The following ARHGAP44 variants were observed in gnomAD, a reference collection of about 807,000 sequenced individuals.
ARHGAP44 encodes the protein rho GTPase-activating protein 44.
A neutral mutation model predicts 106.8 loss-of-function variants in ARHGAP44; 43 were observed. The ratio of observed to expected loss-of-function variants is 0.40; its 90% CI spans 0.32 to 0.52. ARHGAP44 has a LOEUF of 0.52. ARHGAP44 is among the 20% of genes least tolerant of loss of function. The pLI is 0.48. For synonymous variants in ARHGAP44, 439 were observed against 410.3 expected (o/e 1.07, Z -0.85); for missense variants, 866 against 1,050.5 (o/e 0.82, Z 2.43).
At chr17:12,944,587 G>A (rs2038800535) in intron 10 of ARHGAP44, among the ~76,000 whole-genome samples, 2 of 151,786 alleles carry the variant, frequency 1.3e-5, no homozygotes. Context: ...CTGGGTTCAA[G>A]TGATTCTCCT....
intron 1 of ARHGAP44, among the ~76,000 whole-genome samples, chr17:12,808,889 G>A (rs548681927): frequency 6.6e-6 from 1 of 152,208 alleles, no homozygotes; most frequent in South Asian, 2.1e-4. Flanking sequence ...TCTTTTAAAC[G>A]TAAGTTTCAA....
chr17:12,948,618 C>T (rs1598102405), intron 10 of ARHGAP44, among the ~76,000 whole-genome samples: 1 of 152,032 alleles, frequency 6.6e-6, no homozygotes, highest in South Asian at 2.1e-4. Context: ...TGCACTGAGT[C>T]AAGATCGGGC....
In ARHGAP44 at chr17:12,922,848, G is replaced by A. The variant is rs142152237; in HGVS notation, c.464+3017G>A. On this transcript the variant is annotated intron_variant, in intron 6 of 20. Coordinates refer to ENST00000379672, the MANE Select transcript of ARHGAP44 (RefSeq NM_014859.6). Reference sequence around the variant, plus strand: ...TCCTCTAGCAGGAACACTAGACAAAGTCTAGAGTTATGTTTTCAGTGGTGA... The same window carrying A: ...TCCTCTAGCAGGAACACTAGACAAAATCTAGAGTTATGTTTTCAGTGGTGA... Among the ~76,000 whole-genome samples, 9 of 152,174 alleles carry A rather than the reference G, an allele frequency of 5.9e-5. No individual in the cohort carries two copies. In the East Asian group the frequency reaches 1.7e-3, roughly 30 times the overall value.
chr17:12,836,959 A>G (rs546086024), intron 1 of ARHGAP44, among the ~76,000 whole-genome samples: 1 of 152,334 alleles, frequency 6.6e-6, no homozygotes, highest in African/African-American at 2.4e-5. Flanking sequence ...TTCACTCAAC[A>G]ATAAGGTATA....
At chr17:12,975,783 GT>G (rs1279352743) in intron 18 of ARHGAP44, among the ~76,000 whole-genome samples, 1 of 124,718 alleles carries the variant, frequency 8.0e-6, no homozygotes, top group Non-Finnish European at 1.6e-5. Context: ...GGGTGACAGC[GT>G]GACTCCGTCT....
In ARHGAP44 at chr17:12,938,582, TA is replaced by T. The variant is rs67037408; in HGVS notation, c.583-2453del. Reference sequence around the variant, plus strand: ...CTGGGACATTTGGTTAGCTATATATTAAAAAAAAAAAAAAAAAAAAACAGCT... The same window carrying T: ...CTGGGACATTTGGTTAGCTATATATTAAAAAAAAAAAAAAAAAAAACAGCT... On this transcript the variant is annotated intron_variant, in intron 7 of 20. Transcript: ENST00000379672. 9.0e-3 allele frequency among the ~76,000 whole-genome samples: 1,142 copies of T among 126,978 alleles called. 4 individuals are homozygous for T. Among genetic ancestry groups the T allele is most frequent in the African/African-American group, 0.011 (385 of 35,290 alleles). The allele number at this position is 126,978 out of a possible 152,430, so 83.3% of individuals were successfully genotyped here.
chr17:12,803,139 T>G (rs1333521449), intron 1 of ARHGAP44, among the ~76,000 whole-genome samples: 2 of 150,612 alleles, frequency 1.3e-5, no homozygotes, highest in Non-Finnish European at 3.0e-5. Context: ...GGCGCCTGTA[T>G]TTTTGTATTT....
intron 1 of ARHGAP44, among the ~76,000 whole-genome samples, chr17:12,891,424 A>G (rs1011164631): frequency 3.3e-5 from 5 of 152,196 alleles, no homozygotes; most frequent in Admixed American, 3.3e-4. Flanking sequence ...CTACATTGTA[A>G]CATGATGGAA....
chr17:12,929,076 G>C (rs2038328524), intron 7 of ARHGAP44, 30 bp downstream of exon 7: 4 of 1,574,742 alleles, frequency 2.5e-6, no homozygotes, highest in Non-Finnish European at 3.5e-6. Context: ...CTCTCTACTG[G>C]GACAGGCTGG....
intron 16 of ARHGAP44, among the ~76,000 whole-genome samples, chr17:12,968,056 A>G (rs1285437287): frequency 6.6e-6 from 1 of 152,218 alleles, no homozygotes; most frequent in East Asian, 1.9e-4. Context: ...TATTGCTTAC[A>G]AAGTGTTTAG....
At chr17:12,790,751 A>G (rs1375222826) in intron 1 of ARHGAP44, 2 of 152,182 alleles carry the variant, frequency 1.3e-5, no homozygotes, top group Non-Finnish European at 2.9e-5. Flanking sequence ...TTAAGGTTAC[A>G]TAAAAATCCT....
At chr17:12,955,590 T>G (rs775803205) in intron 13 of ARHGAP44, among the ~76,000 whole-genome samples, 1 of 152,138 alleles carries the variant, frequency 6.6e-6, no homozygotes, top group Non-Finnish European at 1.5e-5. Flanking sequence ...TTCAGGTCAT[T>G]ATATACTGAG....
chr17:12,838,690 G>A (rs2035307827), intron 1 of ARHGAP44, among the ~76,000 whole-genome samples: 1 of 152,100 alleles, frequency 6.6e-6, no homozygotes, highest in African/African-American at 2.4e-5. Flanking sequence ...TTTATTTTGA[G>A]AGGGAGTTTC....
intron 3 of ARHGAP44, among the ~76,000 whole-genome samples, chr17:12,897,820 C>T (rs2037258503): frequency 6.7e-6 from 1 of 149,668 alleles, no homozygotes. Flanking sequence ...CCACCAGAGG[C>T]TTGAATTCGG....
intron 6 of ARHGAP44, among the ~76,000 whole-genome samples, chr17:12,922,652 G>A (rs1049147459): frequency 2.0e-5 from 3 of 152,130 alleles, no homozygotes; most frequent in Non-Finnish European, 2.9e-5. Flanking sequence ...ACATATTTTT[G>A]TTTTGTCTTC....
At chr17:12,791,930 C>T (rs1206747119) in intron 1 of ARHGAP44, among the ~76,000 whole-genome samples, 5 of 152,172 alleles carry the variant, frequency 3.3e-5, no homozygotes, top group African/African-American at 1.2e-4. Flanking sequence ...AAAGCAAAAA[C>T]CAGTTCATGT....
Position 12,978,673 on chromosome 17 carries a change from T to C in ARHGAP44, c.1764-1385T>C, listed in dbSNP as rs1007573303. Among the ~76,000 whole-genome samples, 6 of 145,328 alleles carry C rather than the reference T, an allele frequency of 4.1e-5. No individual in the cohort carries two copies. The South Asian group carries it at 1.1e-3, about 27-fold the overall frequency. The stretch of plus-strand genomic sequence containing the variant: ...AGAAATAGGCTGTGCCTGCCTTTTT[T>C]TTTTCTTTTCTTTTTTCTTTTTTCT... On this transcript the variant is annotated intron_variant, in intron 18 of 20. Transcript: ENST00000379672.
chr17:12,833,807 A>G (rs1326403856), intron 1 of ARHGAP44, among the ~76,000 whole-genome samples: 5 of 152,224 alleles, frequency 3.3e-5, no homozygotes, highest in East Asian at 1.9e-4. Context: ...AGGTGGATTC[A>G]GAGATTTTCT....
intron 1 of ARHGAP44, among the ~76,000 whole-genome samples, chr17:12,865,280 A>C (rs2036203153): frequency 6.6e-6 from 1 of 151,438 alleles, no homozygotes; most frequent in African/African-American, 2.4e-5. Flanking sequence ...TGATTTATAC[A>C]AAAAAAAATT....
Sources: gnomAD v4.1 joint callset for allele counts (sites outside exome capture counted in the v4.1 genomes callset) on GRCh38, gnomAD v4.1.1 for gene constraint, MANE v1.5 for transcripts, NCBI Gene and HGNC (gene_info 2026-07-23, HGNC 2026-07-21) for gene names.